CNTNAP2: variants seen among roughly 807,000 people sequenced by gnomAD.
CNTNAP2 encodes the protein contactin-associated protein-like 2.
Under a neutral mutation model 155.2 loss-of-function variants are expected in CNTNAP2, and 98 were observed. That is an observed-to-expected ratio of 0.63 (90% CI 0.54 to 0.75). The LOEUF (loss-of-function observed/expected upper bound fraction) is 0.75, where lower values mean the gene tolerates loss of function less well. Ranked by LOEUF, CNTNAP2 falls within the 30% of genes least tolerant of loss-of-function variation. The pLI, the probability that CNTNAP2 is intolerant of heterozygous loss-of-function variation, is 0.00. For missense variants in CNTNAP2, 1,727 were observed against 1,688.1 expected (o/e 1.02, Z -0.40); for synonymous variants, 651 against 631.2 (o/e 1.03, Z -0.47).
At chr7:147,162,683 C>G (rs936477168) in intron 8 of CNTNAP2, among the ~76,000 whole-genome samples, 1 of 152,070 alleles carries the variant, frequency 6.6e-6, no homozygotes. Flanking sequence ...CCAGCACCCT[C>G]AAAGCATTAC....
chr7:146,564,682 A>G (rs1357712321), intron 1 of CNTNAP2, among the ~76,000 whole-genome samples: 2 of 151,210 alleles, frequency 1.3e-5, no homozygotes, highest in Non-Finnish European at 3.0e-5. Flanking sequence ...TATTTGAGGA[A>G]CTCATTTTTT....
At chr7:147,148,208 G>A (rs1048952216) in intron 8 of CNTNAP2, among the ~76,000 whole-genome samples, 2 of 151,662 alleles carry the variant, frequency 1.3e-5, no homozygotes, top group Non-Finnish European at 2.9e-5. Context: ...GGCTAAAACG[G>A]TGAAACCCCG....
At chr7:147,848,462 C>G (rs34048954) in intron 13 of CNTNAP2, among the ~76,000 whole-genome samples, 11,856 of 150,202 alleles carry the variant, frequency 0.079, 458 homozygotes, top group East Asian at 0.13. Context: ...GGCTCGCACA[C>G]GGTGCGCACA....
At chr7:147,949,818 A>G (rs562995496) in intron 14 of CNTNAP2, among the ~76,000 whole-genome samples, 40 of 152,258 alleles carry the variant, frequency 2.6e-4, no homozygotes, top group Non-Finnish European at 5.4e-4. Flanking sequence ...AGCTTCGAGG[A>G]GAATGGCTTC....
intron 1 of CNTNAP2, among the ~76,000 whole-genome samples, chr7:146,144,343 G>T (rs1475563795): frequency 6.6e-6 from 1 of 151,998 alleles, no homozygotes; most frequent in Admixed American, 6.6e-5. Flanking sequence ...TTAGAGAGGG[G>T]CTTTCACCAC....
chr7:146,383,112 G>C (rs1171789108), intron 1 of CNTNAP2, among the ~76,000 whole-genome samples: 14 of 152,114 alleles, frequency 9.2e-5, no homozygotes, highest in Admixed American at 8.5e-4. Context: ...ATGTGAATCT[G>C]TGTGAAATAG....
intron 3 of CNTNAP2, among the ~76,000 whole-genome samples, chr7:146,918,321 G>A (rs753680506): frequency 6.6e-5 from 10 of 152,136 alleles, no homozygotes; most frequent in African/African-American, 1.7e-4. Context: ...GGTGTGTTTC[G>A]AGGATTTTTT....
intron 1 of CNTNAP2, among the ~76,000 whole-genome samples, chr7:146,534,537 C>T (rs763644858): frequency 1.3e-5 from 2 of 151,996 alleles, no homozygotes; most frequent in Non-Finnish European, 2.9e-5. Flanking sequence ...AGACCCTATG[C>T]GTAGAAAAGT....
chr7:146,159,678 A>C (rs1490249059), intron 1 of CNTNAP2, among the ~76,000 whole-genome samples: 1 of 152,240 alleles, frequency 6.6e-6, no homozygotes, highest in Non-Finnish European at 1.5e-5. Flanking sequence ...TCAATTCAAC[A>C]AGAAGAGCTA....
At chr7:146,631,119 A>G (rs1375877872) in intron 1 of CNTNAP2, among the ~76,000 whole-genome samples, 9 of 152,174 alleles carry the variant, frequency 5.9e-5, no homozygotes, top group Admixed American at 5.2e-4. Context: ...CTAAGCAAAA[A>G]GAACAAAGCT....
intron 21 of CNTNAP2, among the ~76,000 whole-genome samples, chr7:148,288,334 C>A (rs909054961): frequency 6.6e-6 from 1 of 151,846 alleles, no homozygotes; most frequent in Non-Finnish European, 1.5e-5. Context: ...CTCCTGACTT[C>A]GTGATCTGCC....
intron 3 of CNTNAP2, among the ~76,000 whole-genome samples, chr7:146,897,275 C>G (rs1415451325): frequency 1.3e-5 from 2 of 152,090 alleles, no homozygotes; most frequent in African/African-American, 4.8e-5. Flanking sequence ...TTCTCGAATT[C>G]AAATGCCAAC....
intron 21 of CNTNAP2, among the ~76,000 whole-genome samples, chr7:148,359,803 G>A (rs1215652029): frequency 2.0e-5 from 3 of 152,186 alleles, no homozygotes; most frequent in Non-Finnish European, 4.4e-5. Flanking sequence ...ACTGCCCTGG[G>A]ATACATAGGA....
chr7:147,699,210 C>T (rs944520040), intron 13 of CNTNAP2, among the ~76,000 whole-genome samples: 2 of 150,802 alleles, frequency 1.3e-5, no homozygotes, highest in African/African-American at 4.9e-5. Context: ...GAGTTCATGC[C>T]TCATCCCCAC....
At chr7:148,059,590 C>CAAAA (rs200397254) in intron 15 of CNTNAP2, among the ~76,000 whole-genome samples, 1 of 72,680 alleles carries the variant, frequency 1.4e-5, no homozygotes, top group Non-Finnish European at 3.1e-5. Context: ...AACTCTGTCT[C>CAAAA]AAAAAAAAAA....
chr7:146,721,605 A>C (rs188367088), intron 1 of CNTNAP2, among the ~76,000 whole-genome samples: 1,426 of 104,818 alleles, frequency 0.014, 17 homozygotes, highest in Non-Finnish European at 0.018. Context: ...TTCTATATAC[A>C]TTCTATATAT....
chr7:146,155,395 C>G (rs1798109838), intron 1 of CNTNAP2, among the ~76,000 whole-genome samples: 1 of 152,110 alleles, frequency 6.6e-6, no homozygotes, highest in African/African-American at 2.4e-5. Context: ...TTCAACTAAA[C>G]AGTAAATTCT....
chr7:146,512,590 G>A (rs1229907588), intron 1 of CNTNAP2, among the ~76,000 whole-genome samples: 1 of 151,076 alleles, frequency 6.6e-6, no homozygotes, highest in Non-Finnish European at 1.5e-5. Context: ...TATTCGTAGA[G>A]TTTCCAAGGT....
At chr7:146,737,675 T>C (rs1444264958) in intron 1 of CNTNAP2, among the ~76,000 whole-genome samples, 1 of 152,120 alleles carries the variant, frequency 6.6e-6, no homozygotes, top group East Asian at 1.9e-4. Flanking sequence ...TGAACATTTT[T>C]TTCATATACC....
Sources: gnomAD v4.1 joint callset for allele counts (sites outside exome capture counted in the v4.1 genomes callset) on GRCh38, gnomAD v4.1.1 for gene constraint, MANE v1.5 for transcripts, NCBI Gene and HGNC (gene_info 2026-07-23, HGNC 2026-07-21) for gene names.